The following CNTNAP2 variants were observed in gnomAD, a reference collection of about 807,000 sequenced individuals.
The protein encoded by CNTNAP2 is contactin-associated protein-like 2.
In CNTNAP2, 98 loss-of-function variants were observed where a neutral mutation model predicts 155.2. That is an observed-to-expected ratio of 0.63 (90% confidence interval 0.54 to 0.75). CNTNAP2 has a LOEUF of 0.75. Ranked by LOEUF, CNTNAP2 falls within the 30% of genes least tolerant of loss-of-function variation. The pLI is 0.00. For synonymous variants in CNTNAP2, 651 were observed against 631.2 expected (o/e 1.03, Z -0.47); for missense variants, 1,727 against 1,688.1 (o/e 1.02, Z -0.40).
At chr7:146,119,750 C>A (rs1027944769) in intron 1 of CNTNAP2, among the ~76,000 whole-genome samples, 1 of 152,104 alleles carries the variant, frequency 6.6e-6, no homozygotes, top group Middle Eastern at 3.2e-3. Flanking sequence ...CAATTTACAT[C>A]ATTTAGTAGA....
At position 147,106,296 on chromosome 7, in the gene CNTNAP2, A is replaced by G. The variant is rs565706671; in HGVS notation, c.551-1851A>G. On this transcript the variant is annotated intron_variant, in intron 4 of 23. Transcript: ENST00000361727. The stretch of plus-strand genomic sequence containing the variant: ...TTATTCACTTTTCAAGATAAAAAGT[A>G]TCATCAACTGCTGGATTATACGTTC... Among the ~76,000 whole-genome samples the G allele has an allele frequency of 1.9e-3, 285 of 152,282 alleles. 2 individuals carry two copies. Among genetic ancestry groups the G allele is most frequent in the African/African-American group, 6.2e-3 (256 of 41,588 alleles).
At chr7:147,107,009 C>CA (rs1250957557) in intron 4 of CNTNAP2, among the ~76,000 whole-genome samples, 2 of 152,274 alleles carry the variant, frequency 1.3e-5, no homozygotes, top group African/African-American at 2.4e-5. Context: ...AGACCTTACC[C>CA]AAAACCTAGA....
chr7:146,724,804 C>T (rs1050339081), intron 1 of CNTNAP2, among the ~76,000 whole-genome samples: 3 of 152,016 alleles, frequency 2.0e-5, no homozygotes, highest in South Asian at 2.1e-4. Flanking sequence ...CTCCTGACCT[C>T]GTGATGCACC....
At chr7:147,549,404 C>G (rs1199433707) in intron 11 of CNTNAP2, among the ~76,000 whole-genome samples, 2 of 152,056 alleles carry the variant, frequency 1.3e-5, no homozygotes, top group African/African-American at 4.8e-5. Flanking sequence ...CTCTGCTTAC[C>G]TATTGTTGGT....
At chr7:148,157,934 A>C (rs533468603) in intron 17 of CNTNAP2, among the ~76,000 whole-genome samples, 2 of 152,252 alleles carry the variant, frequency 1.3e-5, no homozygotes, top group Admixed American at 1.3e-4. Flanking sequence ...TCCTCCAAGA[A>C]ATGCCTTCTC....
chr7:147,747,260 G>T (rs986232310), intron 13 of CNTNAP2, among the ~76,000 whole-genome samples: 1 of 152,088 alleles, frequency 6.6e-6, no homozygotes, highest in Non-Finnish European at 1.5e-5. Context: ...TGGTTTTGAT[G>T]ATTTTTCTCA....
intron 1 of CNTNAP2, among the ~76,000 whole-genome samples, chr7:146,241,839 A>C (rs1200921012): frequency 2.0e-5 from 3 of 151,206 alleles, no homozygotes; most frequent in African/African-American, 7.3e-5. Flanking sequence ...CACACACACA[A>C]ACACACACGC....
chr7:146,185,100 C>T (rs992954164), intron 1 of CNTNAP2, among the ~76,000 whole-genome samples: 2 of 152,052 alleles, frequency 1.3e-5, no homozygotes, highest in Admixed American at 1.3e-4. Context: ...GTCAGTTTCC[C>T]AGGCCAATCC....
At chr7:146,845,430 A>C (rs1044164759) in intron 3 of CNTNAP2, among the ~76,000 whole-genome samples, 4 of 152,214 alleles carry the variant, frequency 2.6e-5, no homozygotes, top group African/African-American at 4.8e-5. Context: ...TCTGAGAAGT[A>C]GATATAATTC....
chr7:147,161,302 G>T (rs547275853), intron 8 of CNTNAP2, among the ~76,000 whole-genome samples: 1 of 152,140 alleles, frequency 6.6e-6, no homozygotes, highest in Non-Finnish European at 1.5e-5. Flanking sequence ...TGTGGGATAA[G>T]GATAAGTGAG....
chr7:146,148,663 CATG>C (rs1448222735), intron 1 of CNTNAP2, among the ~76,000 whole-genome samples: 6 of 151,988 alleles, frequency 3.9e-5, no homozygotes, highest in African/African-American at 1.4e-4. Context: ...CATTTGTCAA[CATG>C]ATGAGAAAAT....
chr7:146,422,864 T>A (rs1279499505), intron 1 of CNTNAP2, among the ~76,000 whole-genome samples: 2 of 152,192 alleles, frequency 1.3e-5, no homozygotes, highest in Middle Eastern at 3.4e-3. Flanking sequence ...TAGCAAAAAA[T>A]TAATTAAAAT....
intron 1 of CNTNAP2, among the ~76,000 whole-genome samples, chr7:146,257,315 A>G (rs1799854723): frequency 6.6e-6 from 1 of 152,200 alleles, no homozygotes; most frequent in African/African-American, 2.4e-5. Flanking sequence ...GTGGTATAGG[A>G]AGAAAGATGG....
intron 4 of CNTNAP2, among the ~76,000 whole-genome samples, chr7:147,073,110 C>A (rs867662705): frequency 2.3e-5 from 3 of 128,038 alleles, no homozygotes; most frequent in Admixed American, 8.4e-5. Context: ...CCTCGGCCTC[C>A]CAAAGCCTTT....
chr7:146,399,251 A>G (rs1795679690), intron 1 of CNTNAP2, among the ~76,000 whole-genome samples: 1 of 152,178 alleles, frequency 6.6e-6, no homozygotes, highest in Non-Finnish European at 1.5e-5. Flanking sequence ...ACCATGATAT[A>G]CAATCAATCT....
chr7:146,952,445 A>T (rs2129228254), intron 3 of CNTNAP2, among the ~76,000 whole-genome samples: 1 of 152,284 alleles, frequency 6.6e-6, no homozygotes, highest in Non-Finnish European at 1.5e-5. Flanking sequence ...CAGGCAAGGA[A>T]AGAAATAAAA....
chr7:146,211,270 G>C (rs1799030698), intron 1 of CNTNAP2, among the ~76,000 whole-genome samples: 1 of 152,146 alleles, frequency 6.6e-6, no homozygotes, highest in Non-Finnish European at 1.5e-5. Context: ...ATAGTTTTAA[G>C]TTAGGATGAT....
intron 14 of CNTNAP2, among the ~76,000 whole-genome samples, chr7:147,916,837 A>G (rs192373749): frequency 6.6e-6 from 1 of 152,280 alleles, no homozygotes; most frequent in Non-Finnish European, 1.5e-5. Context: ...TGTCCCACTG[A>G]AAGTTCACCC....
At chr7:148,185,729 T>C (rs1182045753) in intron 18 of CNTNAP2, among the ~76,000 whole-genome samples, 1 of 152,246 alleles carries the variant, frequency 6.6e-6, no homozygotes, top group Admixed American at 6.5e-5. Flanking sequence ...TTTAAATAGG[T>C]CTATTTTAGC....
Sources: allele counts gnomAD v4.1 joint callset (sites outside exome capture counted in the v4.1 genomes callset), GRCh38; gene constraint gnomAD v4.1.1; transcripts MANE v1.5; gene names NCBI Gene and HGNC (gene_info 2026-07-23, HGNC 2026-07-21).